Variants in FBXO11 observed in about 807,000 individuals in gnomAD.
The protein encoded by FBXO11 is F-box only protein 11.
FBXO11 carries 13 observed loss-of-function variants against 117.0 expected under a neutral mutation model. That is an observed-to-expected ratio of 0.11 (90% CI 0.07 to 0.18). The LOEUF (loss-of-function observed/expected upper bound fraction) is 0.18, where lower values mean the gene tolerates loss of function less well. Among genes scored for constraint, FBXO11 ranks in the 10% least tolerant of loss-of-function variants. FBXO11 has a pLI of 1.00. For missense variants in FBXO11, 767 were observed against 1,164.4 expected (o/e 0.66, Z 4.97); for synonymous variants, 490 against 380.5 (o/e 1.29, Z -3.35).
intron 1 of FBXO11, among the ~76,000 whole-genome samples, chr2:47,897,985 G>GT (rs1260004765): frequency 2.0e-5 from 3 of 152,116 alleles, no homozygotes; most frequent in African/African-American, 7.2e-5. Context: ...ATTCCTTAAT[G>GT]TTTTTTAAGG....
intron 1 of FBXO11, chr2:47,865,905 G>T (rs1675158628): frequency 6.6e-6 from 1 of 152,168 alleles, no homozygotes; most frequent in African/African-American, 2.4e-5. Context: ...ATGATAAAGG[G>T]AGAAAGAAGG....
In FBXO11 at chr2:47,809,688, G is replaced by A. The variant is rs757286262; in HGVS notation, c.2358C>T (p.His786=). ...GFAAGIEITN[H]ATATLEGNQI... is the part of the protein sequence containing the mutation. ...GATTGCCTTCTAGTGTTGCAGTTGC[G>A]TGATTTGTAATTTCAATACCTGAAG... is the stretch of plus-strand genomic sequence containing the variant. Residue 786 remains histidine (H), a synonymous_variant, in exon 20 of 23, where the codon CAC becomes CAT. Transcript: ENST00000403359. 5.6e-6 allele frequency: 9 copies of A among 1,612,766 alleles called. No individual in the cohort carries two copies. The highest frequency in any genetic ancestry group is 4.0e-5 in the African/African-American group (3 of 74,894).
At chr2:47,861,255 C>T (rs1444545546) in intron 1 of FBXO11, among the ~76,000 whole-genome samples, 1 of 151,594 alleles carries the variant, frequency 6.6e-6, no homozygotes, top group African/African-American at 2.4e-5. Context: ...TCCACACTTC[C>T]TATGGAGTAG....
chr2:47,829,422 G>T (rs909526037), intron 11 of FBXO11, among the ~76,000 whole-genome samples: 6 of 151,478 alleles, frequency 4.0e-5, no homozygotes, highest in Admixed American at 2.0e-4. Context: ...TGTATTTCTA[G>T]TAGAGACAGG....
At chr2:47,846,926 T>TCTG (rs2104921344) in intron 1 of FBXO11, among the ~76,000 whole-genome samples, 1 of 152,226 alleles carries the variant, frequency 6.6e-6, no homozygotes, top group South Asian at 2.1e-4. Flanking sequence ...ACACATACAG[T>TCTG]CACTTATCAC....
At chr2:47,817,001 C>A (rs998481159) in intron 16 of FBXO11, among the ~76,000 whole-genome samples, 2 of 152,146 alleles carry the variant, frequency 1.3e-5, no homozygotes, top group Non-Finnish European at 2.9e-5. Flanking sequence ...TGAAGTCAGG[C>A]ATTGACTTCT....
intron 1 of FBXO11, among the ~76,000 whole-genome samples, chr2:47,897,158 T>A (rs1677729173): frequency 6.6e-6 from 1 of 152,226 alleles, no homozygotes; most frequent in African/African-American, 2.4e-5. Context: ...CCCCATCCCC[T>A]TTCCTACTAA....
At chr2:47,879,020 C>A (rs1676230985) in intron 1 of FBXO11, among the ~76,000 whole-genome samples, 1 of 152,104 alleles carries the variant, frequency 6.6e-6, no homozygotes, top group Non-Finnish European at 1.5e-5. Flanking sequence ...TATTCAGTTC[C>A]TCTCCCCTTT....
rs745432635 is a variant in FBXO11 at position 47,905,632 on chromosome 2, TGCTGCGGGG to T, written c.80_88del (p.Pro27_Gln29del). The T allele has an allele frequency of 1.7e-5, 24 of 1,395,348 alleles. No homozygotes were observed. In the Middle Eastern group the frequency reaches 1.0e-3, roughly 60 times the overall value. The allele number at this position is 1,395,348 out of a possible 1,614,324, so 86.4% of individuals were successfully genotyped here. A position where few individuals can be genotyped will look rare whatever the true frequency, so the allele number is the denominator to read the frequency against. ...CTGCTGGGGCGGCTGCGGCGGCGGC[TGCTGCGGGG>T]GCTGCTGCTGCTGTTGCTGCACCGG... On this transcript the variant is annotated inframe_deletion, in exon 1 of 23. Coordinates refer to ENST00000403359, the MANE Select transcript of FBXO11 (RefSeq NM_001190274.2).
chr2:47,897,339 A>G (rs1326394877), intron 1 of FBXO11, among the ~76,000 whole-genome samples: 2 of 152,236 alleles, frequency 1.3e-5, no homozygotes, highest in African/African-American at 4.8e-5. Context: ...TGGTTACACT[A>G]CAGTAACACA....
At chr2:47,832,722 A>G in intron 9 of FBXO11, 44 bp from the exon 10 acceptor site, 1 of 1,607,822 alleles carries the variant, frequency 6.2e-7, no homozygotes, top group Non-Finnish European at 8.5e-7. Flanking sequence ...ACTGGGCAAC[A>G]TACAGTGACT....
intron 1 of FBXO11, among the ~76,000 whole-genome samples, chr2:47,849,584 G>C (rs1377574393): frequency 6.6e-6 from 1 of 152,222 alleles, no homozygotes; most frequent in African/African-American, 2.4e-5. Flanking sequence ...CTAAGAGACA[G>C]ACAACTAAAC....
intron 12 of FBXO11, 147 bp downstream of exon 12, chr2:47,822,996 C>G (rs1671499085): frequency 1.8e-6 from 1 of 569,614 alleles, no homozygotes; most frequent in East Asian, 3.0e-5. Flanking sequence ...ATGGCTCATT[C>G]AGATGCACAG....
chr2:47,873,517 T>A (rs1675777036), intron 1 of FBXO11, among the ~76,000 whole-genome samples: 2 of 152,048 alleles, frequency 1.3e-5, no homozygotes, highest in African/African-American at 4.8e-5. Flanking sequence ...TCCTGTAGCT[T>A]CCATACCTTC....
intron 1 of FBXO11, among the ~76,000 whole-genome samples, chr2:47,871,658 T>A (rs191540745): frequency 1.3e-5 from 2 of 152,218 alleles, no homozygotes; most frequent in African/African-American, 4.8e-5. Context: ...TGTATTTTTA[T>A]ATTAGGGTGG....
intron 1 of FBXO11, among the ~76,000 whole-genome samples, chr2:47,899,045 C>T (rs543296949): frequency 2.0e-5 from 3 of 151,954 alleles, no homozygotes; most frequent in East Asian, 1.9e-4. Context: ...GAGGCCGAGG[C>T]GGGCGGATCA....
chr2:47,874,472 T>G (rs1168298499), intron 1 of FBXO11, among the ~76,000 whole-genome samples: 1 of 152,152 alleles, frequency 6.6e-6, no homozygotes, highest in Non-Finnish European at 1.5e-5. Context: ...TAAAAGGAAC[T>G]TAAATACAGC....
chr2:47,848,781 G>A (rs966087654), intron 1 of FBXO11, among the ~76,000 whole-genome samples: 5 of 151,980 alleles, frequency 3.3e-5, no homozygotes, highest in African/African-American at 1.2e-4. Flanking sequence ...ATTTATTTTA[G>A]GATTCAAATA....
At chr2:47,895,573 C>A (rs1046488665) in intron 1 of FBXO11, among the ~76,000 whole-genome samples, 15 of 152,202 alleles carry the variant, frequency 9.9e-5, no homozygotes, top group African/African-American at 3.6e-4. Context: ...TTTTTGGTTA[C>A]ACAGATGTGT....
Sources: gnomAD v4.1 joint callset for allele counts (sites outside exome capture counted in the v4.1 genomes callset) on GRCh38, gnomAD v4.1.1 for gene constraint, MANE v1.5 for transcripts, NCBI Gene and HGNC (gene_info 2026-07-23, HGNC 2026-07-21) for gene names.